Variants in ABCA3 observed in about 807,000 individuals in gnomAD.
ABCA3 encodes ATP binding cassette subfamily A member 3.
A neutral mutation model predicts 172.8 loss-of-function variants in ABCA3; 88 were observed. The observed-to-expected ratio is 0.51, with a 90% confidence interval of 0.43 to 0.61. The LOEUF is 0.61. Ranked by LOEUF, ABCA3 falls within the 20% of genes least tolerant of loss-of-function variation. The pLI is 0.00. For synonymous variants in ABCA3, 1,066 were observed against 983.8 expected (o/e 1.08, Z -1.56); for missense variants, 2,164 against 2,301.0 (o/e 0.94, Z 1.22).
In ABCA3 at chr16:2,278,927, G is replaced by A; in HGVS notation, c.4547+16C>T. 6.2e-7 allele frequency: 1 copy of A among 1,613,328 alleles called. No homozygotes were observed. The highest frequency in any genetic ancestry group is 8.5e-7 in the Non-Finnish European group (1 of 1,180,034). On this transcript the variant is annotated intron_variant, in intron 29 of 32. Coordinates refer to ENST00000301732, the MANE Select transcript of ABCA3 (RefSeq NM_001089.3). The surrounding 1 kb of genome is among the most constrained non-coding windows in gnomAD (Gnocchi z 4.4). Reference sequence around the variant, plus strand: ...CTGACTCCACTCTGGGAAGGGCCAGGGCTCGGGAGGTGCACCTGTACGTCC... The same window carrying A: ...CTGACTCCACTCTGGGAAGGGCCAGAGCTCGGGAGGTGCACCTGTACGTCC...
At chr16:2,312,364 A>G (rs990888333) in intron 10 of ABCA3, among the ~76,000 whole-genome samples, 1 of 152,190 alleles carries the variant, frequency 6.6e-6, no homozygotes, top group African/African-American at 2.4e-5. Flanking sequence ...GCAACTGTAC[A>G]TGTACTTTTC....
Position 2,283,643 on chromosome 16 carries a change from C to T in ABCA3, c.3863-285G>A, listed in dbSNP as rs1596831610. 2.2e-6 allele frequency: 1 copy of T among 454,466 alleles called. No individual in the cohort carries two copies. Among genetic ancestry groups the T allele is most frequent in the Non-Finnish European group, 4.1e-6 (1 of 245,170 alleles). 28.2% of individuals were successfully genotyped at this position (454,466 alleles called of 1,614,324 possible). Reference sequence around the variant, plus strand: ...CAGGCTCTGCGTGAATCCTGGGCTGCCTCCTGACCAGGACAGAGACCGTTA... The same window carrying T: ...CAGGCTCTGCGTGAATCCTGGGCTGTCTCCTGACCAGGACAGAGACCGTTA... On this transcript the variant is annotated intron_variant, in intron 25 of 32. Transcript: ENST00000301732. This position sits in a 1 kb window ranked among gnomAD's most constrained non-coding sequence, Gnocchi z 5.4.
Position 2,323,591 on chromosome 16 carries a change from G to A in ABCA3, c.545C>T (p.Thr182Ile). ...FLKETEGWHTTSLFPLFPNPG... is the reference protein window; with the variant it reads ...FLKETEGWHTISLFPLFPNPG... The stretch of plus-strand genomic sequence containing the variant: ...GTTTGGGAAAAGCGGGAAAAGGGAA[G>A]TAGTGTGCCAGCCTTCTGTCTCTTT... Residue 182 changes from threonine (T) to isoleucine (I), a missense_variant, in exon 7 of 33, where the codon ACT becomes ATT. Coordinates refer to ENST00000301732, the MANE Select transcript of ABCA3 (RefSeq NM_001089.3). 1.2e-6 allele frequency: 2 copies of A among 1,614,200 alleles called. No homozygotes were observed. The highest frequency in any genetic ancestry group is 8.5e-7 in the Non-Finnish European group (1 of 1,180,034).
At chr16:2,325,254 G>A (rs1339709580) in intron 5 of ABCA3, among the ~76,000 whole-genome samples, 1 of 152,154 alleles carries the variant, frequency 6.6e-6, no homozygotes, top group South Asian at 2.1e-4. Flanking sequence ...GTCACAGAAG[G>A]GCTTTCCCTG....
intron 17 of ABCA3, among the ~76,000 whole-genome samples, chr16:2,295,969 C>T (rs2093679129): frequency 6.6e-6 from 1 of 152,182 alleles, no homozygotes; most frequent in Admixed American, 6.5e-5. Context: ...GGGTGCTGAG[C>T]ACTGTCAGGG....
intron 12 of ABCA3, among the ~76,000 whole-genome samples, chr16:2,301,147 C>G (rs527305906): frequency 6.6e-6 from 1 of 150,814 alleles, no homozygotes; most frequent in Non-Finnish European, 1.5e-5. Flanking sequence ...AGGAGAATGG[C>G]GTGAACCCGG....
At position 2,300,144 on chromosome 16, in the gene ABCA3, G is replaced by A; in HGVS notation, c.1472C>T (p.Ser491Phe). Residue 491 changes from serine to phenylalanine, a missense_variant, in exon 13 of 33, where the codon TCC (serine) becomes TTC (phenylalanine). Physicochemically the swap from Ser to Phe is radical, Grantham distance 155. This residue lies in a region of ABCA3 where 1,343 missense variants were observed against 1,369.6 expected (regional missense o/e 0.98). Transcript: ENST00000301732. ...PQPWYFFIMP[S>F]YWCGKPRAVA... ...CGCCCTTGGCTTCCCACACCAATAG[G>A]AGGGCTGGGAGGGAAGCAGACAGCT... 2 of 1,613,366 alleles carry A rather than the reference G, an allele frequency of 1.2e-6. No individual in the cohort carries two copies. The highest frequency in any genetic ancestry group is 1.7e-5 in the Admixed American group (1 of 59,880).
chr16:2,289,408 A>ACCCCCCC, intron 20 of ABCA3, 26 bp downstream of exon 20: 2 of 1,054,090 alleles, frequency 1.9e-6, no homozygotes, highest in Non-Finnish European at 2.7e-6. Flanking sequence ...TTCCCCCGCC[A>ACCCCCCC]CCCGCCCACC....
chr16:2,279,572 C>T lies in ABCA3; in HGVS notation c.4360-442G>A, dbSNP rs1162376882. 6.6e-6 allele frequency among the ~76,000 whole-genome samples: 1 copy of T among 152,220 alleles called. No homozygotes were observed. The highest frequency in any genetic ancestry group is 1.5e-5 in the Non-Finnish European group (1 of 68,042). On this transcript the variant is annotated intron_variant, in intron 28 of 32. Transcript: ENST00000301732. This position sits in a 1 kb window ranked among gnomAD's most constrained non-coding sequence, Gnocchi z 4.4. ...ACTGCTTGGTCAGATGGTGCAGCAG[C>T]TGTTCTCTGCACAAGTGACCACGTC...
chr16:2,313,250 G>C (rs2141724566), intron 10 of ABCA3, among the ~76,000 whole-genome samples: 1 of 151,988 alleles, frequency 6.6e-6, no homozygotes, highest in South Asian at 2.1e-4. Flanking sequence ...GCAGCATCTG[G>C]GTGTCACTAT....
Position 2,327,989 on chromosome 16 carries a change from G to A in ABCA3, c.-27+464C>T, listed in dbSNP as rs181267763. ...GCCCGCCTCAGCCTCCCAAAGTGCT[G>A]GGATTATAGGCGTGAGCCACTGTGC... On this transcript the variant is annotated intron_variant, in intron 3 of 32. Coordinates refer to ENST00000301732, the MANE Select transcript of ABCA3 (RefSeq NM_001089.3). Among the ~76,000 whole-genome samples, 134 of 152,280 alleles carry A rather than the reference G, an allele frequency of 8.8e-4. 5 individuals carry two copies. The East Asian group carries it at 0.025, about 29-fold the overall frequency.
rs1291556128 is a variant in ABCA3 at position 2,317,310 on chromosome 16, A to C, written c.1084T>G (p.Phe362Val). 6.8e-6 allele frequency: 11 copies of C among 1,614,104 alleles called. No homozygotes were observed. Among genetic ancestry groups the C allele is most frequent in the Non-Finnish European group, 7.6e-6 (9 of 1,180,014 alleles). Residue 362 changes from phenylalanine to valine, a missense_variant, in exon 10 of 33, where the codon TTC becomes GTC. By Grantham distance (50) the Phe-to-Val change is conservative. Transcript: ENST00000301732. ...CFAISTISFS[F>V]MVSTFFSKAN... Reference sequence around the variant, plus strand: ...TTGCTGAAGAAGGTGCTGACCATGAAGCTGAAGGAGATGGTAGAGATGGCG... The same window carrying C: ...TTGCTGAAGAAGGTGCTGACCATGACGCTGAAGGAGATGGTAGAGATGGCG...
At chr16:2,317,599 G>A in intron 9 of ABCA3, 49 bp downstream of exon 9, 4 of 1,604,450 alleles carry the variant, frequency 2.5e-6, no homozygotes, top group Non-Finnish European at 3.4e-6. Flanking sequence ...CTCCTGGGGT[G>A]CCCTGGCTCT....
intron 10 of ABCA3, among the ~76,000 whole-genome samples, chr16:2,315,148 G>T (rs536072458): frequency 5.4e-4 from 82 of 150,658 alleles, no homozygotes; most frequent in Admixed American, 1.1e-3. Context: ...CTCCCAAATT[G>T]CTGGGATTAC....
At chr16:2,294,008 C>CTT (rs1264381640) in intron 18 of ABCA3, among the ~76,000 whole-genome samples, 2 of 140,038 alleles carry the variant, frequency 1.4e-5, no homozygotes, top group Non-Finnish European at 1.6e-5. Flanking sequence ...TTTTTTCTTT[C>CTT]TTTTTTTTTT....
chr16:2,307,671 T>G lies in ABCA3; in HGVS notation c.1285+779A>C, dbSNP rs181375432. Among the ~76,000 whole-genome samples, 419 of 152,244 alleles carry G rather than the reference T, an allele frequency of 2.8e-3. 3 individuals are homozygous for G. Among genetic ancestry groups the G allele is most frequent in the African/African-American group, 9.6e-3 (400 of 41,550 alleles). ...CCCAGGCTGGAGTGCAGTGGTGCGA[T>G]CTCAGCTCACTGCAAGCTCCGCCTC... On this transcript the variant is annotated intron_variant, in intron 11 of 32. Transcript: ENST00000301732.
intron 10 of ABCA3, among the ~76,000 whole-genome samples, chr16:2,310,991 T>C (rs1303474458): frequency 6.6e-6 from 1 of 152,108 alleles, no homozygotes; most frequent in African/African-American, 2.4e-5. Context: ...TTTTTCTTTT[T>C]TGAGATGGAG....
intron 3 of ABCA3, 66 bp from the exon 4 acceptor site, chr16:2,326,558 G>A: frequency 1.3e-6 from 2 of 1,501,276 alleles, no homozygotes; most frequent in South Asian, 2.4e-5. Context: ...GGGATTTGGG[G>A]AAAAGCCATG....
Position 2,283,371 on chromosome 16 carries a change from G to A in ABCA3, c.3863-13C>T. The A allele has an allele frequency of 1.2e-6, 2 of 1,611,486 alleles. No individual in the cohort carries two copies. The highest frequency in any genetic ancestry group is 1.7e-6 in the Non-Finnish European group (2 of 1,179,266). ...TGGTACTGGATGTCTGTGGGGCGAG[G>A]GAGTCACTGTGCCCCGAGGCCTGGG... On this transcript the variant is annotated splice_polypyrimidine_tract_variant and intron_variant, in intron 25 of 32. Transcript: ENST00000301732. The surrounding 1 kb of genome is among the most constrained non-coding windows in gnomAD (Gnocchi z 5.4).
Sources: gnomAD v4.1 joint callset for allele counts (sites outside exome capture counted in the v4.1 genomes callset) on GRCh38, gnomAD v4.1.1 for gene constraint, gnomAD v4.1.1 regional missense constraint, Gnocchi (gnomAD v3.1) non-coding constraint, MANE v1.5 for transcripts, NCBI Gene and HGNC (gene_info 2026-07-23, HGNC 2026-07-21) for gene names.